The following UBL3 variants were observed in gnomAD, a reference collection of about 807,000 sequenced individuals.
The protein encoded by UBL3 is ubiquitin like 3.
UBL3 carries 6 observed loss-of-function variants against 18.4 expected under a neutral mutation model. That is an observed-to-expected ratio of 0.33 (90% CI 0.18 to 0.64). The LOEUF (loss-of-function observed/expected upper bound fraction) is 0.64, where lower values mean the gene tolerates loss of function less well. Among genes scored for constraint, UBL3 ranks in the 30% least tolerant of loss-of-function variants. The pLI, the probability that UBL3 is intolerant of heterozygous loss-of-function variation, is 0.76. For missense variants in UBL3, 109 were observed against 142.9 expected, an observed-to-expected ratio of 0.76 and a Z score of 1.21; for synonymous variants, 49 against 46.6, an observed-to-expected ratio of 1.05 and a Z score of -0.21.
chr13:29,816,346 A>G (rs1878280732), intron 1 of UBL3, among the ~76,000 whole-genome samples: 1 of 152,196 alleles, frequency 6.6e-6, no homozygotes, highest in African/African-American at 2.4e-5. Flanking sequence ...CCAAGTAACA[A>G]TAAGGAATTT....
At chr13:29,837,535 T>A (rs1230402685) in intron 1 of UBL3, among the ~76,000 whole-genome samples, 1 of 152,156 alleles carries the variant, frequency 6.6e-6, no homozygotes, top group Non-Finnish European at 1.5e-5. Flanking sequence ...TGTAGTCCCA[T>A]AAGGAAAGAA....
At chr13:29,826,875 G>A (rs1308357628) in intron 1 of UBL3, among the ~76,000 whole-genome samples, 1 of 152,096 alleles carries the variant, frequency 6.6e-6, no homozygotes, top group East Asian at 1.9e-4. Context: ...TGAGATTCTG[G>A]TATGTTGTGT....
chr13:29,813,039 C>T (rs992312860), intron 1 of UBL3, among the ~76,000 whole-genome samples: 5 of 151,930 alleles, frequency 3.3e-5, no homozygotes, highest in Admixed American at 6.6e-5. Flanking sequence ...CTAAGAGTTA[C>T]GTCATTAAAA....
intron 1 of UBL3, among the ~76,000 whole-genome samples, chr13:29,825,704 T>G (rs186484933): frequency 6.6e-6 from 1 of 152,224 alleles, no homozygotes; most frequent in Admixed American, 6.5e-5. Context: ...TCCTGCCCGA[T>G]TGCTCTGGCC....
chr13:29,825,765 TCTTGTGC>T (rs1254787222), intron 1 of UBL3, among the ~76,000 whole-genome samples: 1 of 152,244 alleles, frequency 6.6e-6, no homozygotes. Context: ...GGCATCCCTG[TCTTGTGC>T]CAGTTTTCAA....
intron 1 of UBL3, chr13:29,779,130 TAC>T: frequency 2.5e-6 from 1 of 406,174 alleles, no homozygotes; most frequent in Non-Finnish European, 4.7e-6. Flanking sequence ...CAAGAATGAT[TAC>T]ACTCTACGAA....
At chr13:29,787,963 A>G (rs375885378) in intron 1 of UBL3, among the ~76,000 whole-genome samples, 19 of 152,160 alleles carry the variant, frequency 1.2e-4, no homozygotes, top group African/African-American at 4.6e-4. Context: ...TGACAATTCT[A>G]TTTCCTCTGT....
intron 1 of UBL3, among the ~76,000 whole-genome samples, chr13:29,817,999 T>C (rs1371106464): frequency 1.3e-5 from 2 of 152,240 alleles, no homozygotes; most frequent in African/African-American, 4.8e-5. Flanking sequence ...GCTCCTAGTT[T>C]AGCAAATTAA....
At chr13:29,837,773 T>C (rs1878994773) in intron 1 of UBL3, among the ~76,000 whole-genome samples, 1 of 151,448 alleles carries the variant, frequency 6.6e-6, no homozygotes, top group Non-Finnish European at 1.5e-5. Context: ...CTATGAAAAA[T>C]ACAAAAATTA....
chr13:29,767,297 A>AT lies in UBL3; in HGVS notation c.311dup (p.Asn104LysfsTer3), dbSNP rs1323707958. On this transcript the variant is annotated frameshift_variant, in exon 5 of 5. Coordinates refer to ENST00000380680, the MANE Select transcript of UBL3 (RefSeq NM_007106.4). LOFTEE classifies it high-confidence loss of function. ...AATTACTCTCTCCAGTCTTCTCACG[A>AT]TTCCTCTGACCTAGGGAAAACGAAG... 6.2e-7 allele frequency: 1 copy of AT among 1,613,112 alleles called. No homozygotes were observed. Among genetic ancestry groups the AT allele is most frequent in the Non-Finnish European group, 8.5e-7 (1 of 1,179,368 alleles).
intron 1 of UBL3, among the ~76,000 whole-genome samples, chr13:29,813,023 T>C (rs566463356): frequency 4.0e-4 from 61 of 152,192 alleles, no homozygotes; most frequent in African/African-American, 1.4e-3. Flanking sequence ...TTTTACCCAA[T>C]TGTGACTAAG....
At chr13:29,815,840 T>G (rs1390554718) in intron 1 of UBL3, among the ~76,000 whole-genome samples, 2 of 152,216 alleles carry the variant, frequency 1.3e-5, no homozygotes, top group Non-Finnish European at 2.9e-5. Context: ...TACAGGTCTA[T>G]CTTAGCTTTA....
intron 1 of UBL3, among the ~76,000 whole-genome samples, chr13:29,831,239 A>G (rs1023352956): frequency 6.6e-5 from 10 of 152,150 alleles, no homozygotes; most frequent in Non-Finnish European, 1.2e-4. Flanking sequence ...ACACTCTTAC[A>G]GAAGTTAAGG....
chr13:29,823,048 T>A (rs1878511903), intron 1 of UBL3, among the ~76,000 whole-genome samples: 1 of 152,256 alleles, frequency 6.6e-6, no homozygotes, highest in Non-Finnish European at 1.5e-5. Flanking sequence ...TAAAATGTTT[T>A]CTATTTTACA....
intron 1 of UBL3, among the ~76,000 whole-genome samples, chr13:29,837,915 CAATAATAAT>C (rs373812724): frequency 3.5e-5 from 5 of 141,502 alleles, no homozygotes; most frequent in African/African-American, 1.1e-4. Flanking sequence ...GACTCTGTCT[CAATAATAAT>C]AATAATAATA....
intron 1 of UBL3, among the ~76,000 whole-genome samples, chr13:29,811,474 G>A (rs1041578853): frequency 6.6e-6 from 1 of 152,072 alleles, no homozygotes; most frequent in South Asian, 2.1e-4. Flanking sequence ...TCTGGACAAA[G>A]AGGTGTATGG....
At chr13:29,800,330 T>A (rs1052482208) in intron 1 of UBL3, among the ~76,000 whole-genome samples, 4 of 152,208 alleles carry the variant, frequency 2.6e-5, no homozygotes, top group African/African-American at 9.6e-5. Context: ...TAACCCTGAC[T>A]GAATGAGTTA....
intron 1 of UBL3, among the ~76,000 whole-genome samples, chr13:29,823,998 G>C (rs950601060): frequency 9.9e-5 from 15 of 151,976 alleles, no homozygotes; most frequent in African/African-American, 3.6e-4. Flanking sequence ...GAGAATGATG[G>C]TTTCCAGCTT....
At chr13:29,805,072 G>A (rs1342708520) in intron 1 of UBL3, among the ~76,000 whole-genome samples, 2 of 151,422 alleles carry the variant, frequency 1.3e-5, no homozygotes, top group Non-Finnish European at 2.9e-5. Context: ...ATAGCCATCT[G>A]ATTCAGAAAT....
Sources: allele counts gnomAD v4.1 joint callset (sites outside exome capture counted in the v4.1 genomes callset), GRCh38; gene constraint gnomAD v4.1.1; transcripts MANE v1.5; gene names NCBI Gene and HGNC (gene_info 2026-07-23, HGNC 2026-07-21).